UNC5D: variants seen among roughly 807,000 people sequenced by gnomAD.
The protein encoded by UNC5D is unc-5 netrin receptor D.
UNC5D carries 39 observed loss-of-function variants against 105.4 expected under a neutral mutation model. The ratio of observed to expected loss-of-function variants is 0.37; its 90% confidence interval spans 0.29 to 0.48. The LOEUF is 0.48. UNC5D is among the 20% of genes least tolerant of loss of function. The pLI is 0.98. For synonymous variants in UNC5D, 452 were observed against 450.4 expected (o/e 1.00, Z -0.04); for missense variants, 991 against 1,202.4 (o/e 0.82, Z 2.60).
chr8:35,294,036 C>A (rs140726419), intron 1 of UNC5D, among the ~76,000 whole-genome samples: 1 of 152,096 alleles, frequency 6.6e-6, no homozygotes, highest in Non-Finnish European at 1.5e-5. Context: ...TTCCTGACTT[C>A]GGGGATAAAG....
At chr8:35,304,415 A>C (rs2128873084) in intron 1 of UNC5D, among the ~76,000 whole-genome samples, 1 of 152,196 alleles carries the variant, frequency 6.6e-6, no homozygotes, top group African/African-American at 2.4e-5. Flanking sequence ...TGGGGGGAGG[A>C]AAAGAGGAAA....
At chr8:35,641,232 C>T (rs574436030) in intron 4 of UNC5D, among the ~76,000 whole-genome samples, 4 of 151,830 alleles carry the variant, frequency 2.6e-5, no homozygotes, top group East Asian at 1.9e-4. Context: ...TCATTTGATA[C>T]GAAGGCAAAG....
chr8:35,747,708 T>A (rs762722519), intron 11 of UNC5D, among the ~76,000 whole-genome samples: 20 of 152,240 alleles, frequency 1.3e-4, no homozygotes, highest in Admixed American at 3.3e-4. Flanking sequence ...GGGCACAGAT[T>A]AAAAACAAAA....
At chr8:35,438,523 A>G (rs991536211) in intron 1 of UNC5D, among the ~76,000 whole-genome samples, 3 of 152,018 alleles carry the variant, frequency 2.0e-5, no homozygotes, top group African/African-American at 7.2e-5. Context: ...ATATGTGGGC[A>G]TCTTGTATAT....
At chr8:35,660,930 A>G (rs1824065754) in intron 4 of UNC5D, among the ~76,000 whole-genome samples, 1 of 152,034 alleles carries the variant, frequency 6.6e-6, no homozygotes, top group African/African-American at 2.4e-5. Context: ...CTTCTCTACA[A>G]AAATATTTAT....
intron 8 of UNC5D, 110 bp from the exon 9 acceptor site, chr8:35,722,100 T>G: frequency 1.6e-6 from 2 of 1,222,676 alleles, no homozygotes; most frequent in South Asian, 2.9e-5. Flanking sequence ...TCTGTCATTG[T>G]CTCTGAGCAG....
chr8:35,446,963 G>A (rs1387406047), intron 1 of UNC5D, among the ~76,000 whole-genome samples: 2 of 152,058 alleles, frequency 1.3e-5, no homozygotes, highest in African/African-American at 4.8e-5. Flanking sequence ...CAGAGGTATT[G>A]GAGCAGATAT....
chr8:35,281,792 C>T (rs75432411), intron 1 of UNC5D, among the ~76,000 whole-genome samples: 26 of 152,194 alleles, frequency 1.7e-4, no homozygotes, highest in Admixed American at 1.7e-3. Context: ...GCCTTTGATA[C>T]TTCTAAGCAG....
At chr8:35,281,761 A>T (rs545677063) in intron 1 of UNC5D, among the ~76,000 whole-genome samples, 1 of 152,256 alleles carries the variant, frequency 6.6e-6, no homozygotes, top group South Asian at 2.1e-4. Flanking sequence ...CTTCATTACG[A>T]TGGGAAATAA....
At chr8:35,260,042 T>C (rs1804367049) in intron 1 of UNC5D, among the ~76,000 whole-genome samples, 1 of 152,210 alleles carries the variant, frequency 6.6e-6, no homozygotes, top group South Asian at 2.1e-4. Context: ...ACTGCCTCCT[T>C]CTTTGGCAAT....
At chr8:35,695,246 T>C (rs570962135) in intron 7 of UNC5D, among the ~76,000 whole-genome samples, 1 of 152,264 alleles carries the variant, frequency 6.6e-6, no homozygotes, top group Non-Finnish European at 1.5e-5. Context: ...TGAACTACTC[T>C]CCATTTTCTA....
At chr8:35,507,512 G>A (rs1273982384) in intron 1 of UNC5D, among the ~76,000 whole-genome samples, 1 of 152,024 alleles carries the variant, frequency 6.6e-6, no homozygotes, top group Admixed American at 6.6e-5. Flanking sequence ...GGTGGATAGA[G>A]AAATTTTCGT....
chr8:35,657,186 G>T (rs1383146793), intron 4 of UNC5D, among the ~76,000 whole-genome samples: 1 of 146,208 alleles, frequency 6.8e-6, no homozygotes, highest in Non-Finnish European at 1.5e-5. Context: ...AATTGCTAGA[G>T]ATTTTGTTGT....
In UNC5D at chr8:35,733,578, T is replaced by A. The variant is rs562677677; in HGVS notation, c.1766+2482T>A. ...TAGTTCATCATGAGAACTGGATTTA[T>A]GGACTCTCCATCACCTCCACACACA... On this transcript the variant is annotated intron_variant, in intron 11 of 16. Transcript: ENST00000404895. Among the ~76,000 whole-genome samples, 142 of 152,316 alleles carry A rather than the reference T, an allele frequency of 9.3e-4. 2 individuals are homozygous for A. The highest frequency in any genetic ancestry group is 4.6e-4 in the Non-Finnish European group (31 of 68,022).
intron 7 of UNC5D, among the ~76,000 whole-genome samples, chr8:35,703,723 G>A (rs750918586): frequency 4.6e-5 from 7 of 152,092 alleles, no homozygotes; most frequent in Non-Finnish European, 8.8e-5. Context: ...AGTAATCTTC[G>A]TTCCTGTGGT....
intron 1 of UNC5D, among the ~76,000 whole-genome samples, chr8:35,290,707 G>A (rs1806988910): frequency 6.6e-6 from 1 of 152,110 alleles, no homozygotes; most frequent in Non-Finnish European, 1.5e-5. Context: ...CCAGCATTTT[G>A]GGAGGCCAAG....
intron 1 of UNC5D, among the ~76,000 whole-genome samples, chr8:35,335,787 G>A (rs1421497686): frequency 3.8e-5 from 4 of 104,380 alleles, no homozygotes; most frequent in Admixed American, 2.6e-4. Context: ...TTTTTGAGAC[G>A]GAGTGTCGCT....
At chr8:35,475,121 G>C (rs1809994304) in intron 1 of UNC5D, among the ~76,000 whole-genome samples, 1 of 150,576 alleles carries the variant, frequency 6.6e-6, no homozygotes, top group South Asian at 2.1e-4. Flanking sequence ...TCTCTGTTTT[G>C]TTTTACTTGC....
chr8:35,387,014 T>C (rs1330260050), intron 1 of UNC5D, among the ~76,000 whole-genome samples: 2 of 119,304 alleles, frequency 1.7e-5, no homozygotes, highest in Non-Finnish European at 3.7e-5. Context: ...TGAGAAGGAA[T>C]TCCCCCCCTG....
Sources: gnomAD v4.1 joint callset for allele counts (sites outside exome capture counted in the v4.1 genomes callset) on GRCh38, gnomAD v4.1.1 for gene constraint, MANE v1.5 for transcripts, NCBI Gene and HGNC (gene_info 2026-07-23, HGNC 2026-07-21) for gene names.